PBX3: variants seen among roughly 807,000 people sequenced by gnomAD.
The protein encoded by PBX3 is pre-B-cell leukemia transcription factor 3.
PBX3 carries 14 observed loss-of-function variants against 48.5 expected under a neutral mutation model. The ratio of observed to expected loss-of-function variants is 0.29; its 90% CI spans 0.19 to 0.45. The LOEUF (loss-of-function observed/expected upper bound fraction) is 0.45. Ranked by LOEUF, PBX3 falls within the 20% of genes least tolerant of loss-of-function variation. The pLI, the probability that PBX3 is intolerant of heterozygous loss-of-function variation, is 1.00. For synonymous variants in PBX3, 210 were observed against 200.3 expected (o/e 1.05, Z -0.41); for missense variants, 386 against 546.7 (o/e 0.71, Z 2.93).
intron 2 of PBX3, among the ~76,000 whole-genome samples, chr9:125,853,766 A>T (rs574982691): frequency 8.5e-5 from 13 of 152,332 alleles, no homozygotes; most frequent in Admixed American, 8.5e-4. Context: ...TTCAGAAATA[A>T]TTTTTGATGG....
chr9:125,963,328 A>T (rs569464530), intron 8 of PBX3, among the ~76,000 whole-genome samples: 2 of 152,268 alleles, frequency 1.3e-5, no homozygotes, highest in African/African-American at 4.8e-5. Context: ...ATCAGCAGGG[A>T]CTTAAGCATC....
At chr9:125,820,791 G>T (rs1471065597) in intron 2 of PBX3, among the ~76,000 whole-genome samples, 1 of 152,008 alleles carries the variant, frequency 6.6e-6, no homozygotes, top group Non-Finnish European at 1.5e-5. Context: ...TATTTTTTTG[G>T]TCACATTTTG....
chr9:125,899,454 T>TATATATAGAG (rs1377456112), intron 2 of PBX3, among the ~76,000 whole-genome samples: 5 of 103,768 alleles, frequency 4.8e-5, no homozygotes, highest in African/African-American at 1.5e-4. Flanking sequence ...TATATATATA[T>TATATATAGAG]AGAGAGAGAG....
intron 4 of PBX3, 68 bp downstream of exon 4, chr9:125,929,913 T>C: frequency 8.3e-7 from 1 of 1,205,032 alleles, no homozygotes; most frequent in South Asian, 1.4e-5. Flanking sequence ...TTATTTTCTG[T>C]AAAACTGACC....
intron 2 of PBX3, among the ~76,000 whole-genome samples, chr9:125,757,787 A>C (rs529975554): frequency 6.6e-6 from 1 of 152,200 alleles, no homozygotes; most frequent in Non-Finnish European, 1.5e-5. Flanking sequence ...CTTTATGCAG[A>C]GGTTTTCTCA....
chr9:125,747,877 G>A (rs7847035), intron 1 of PBX3, among the ~76,000 whole-genome samples: 76,913 of 151,326 alleles, frequency 0.51, 21,283 homozygotes, highest in South Asian at 0.63. Context: ...GACTCGGTGC[G>A]GCGCGGATTC....
At chr9:125,861,137 C>CA (rs1839853989) in intron 2 of PBX3, among the ~76,000 whole-genome samples, 1 of 150,992 alleles carries the variant, frequency 6.6e-6, no homozygotes, top group South Asian at 2.1e-4. Context: ...CTCCCTCCCA[C>CA]AAAAAAAATT....
intron 2 of PBX3, among the ~76,000 whole-genome samples, chr9:125,850,849 T>C (rs1839557850): frequency 2.0e-5 from 3 of 152,068 alleles, no homozygotes; most frequent in Admixed American, 6.6e-5. Flanking sequence ...AATATGAAAT[T>C]GATTTGGTTG....
At chr9:125,816,061 G>A (rs1381250278) in intron 2 of PBX3, among the ~76,000 whole-genome samples, 2 of 152,050 alleles carry the variant, frequency 1.3e-5, no homozygotes, top group African/African-American at 2.4e-5. Flanking sequence ...CTGCGGTTTA[G>A]GGGTGCGATC....
chr9:125,940,902 A>G, intron 5 of PBX3, among the ~76,000 whole-genome samples: 1 of 152,204 alleles, frequency 6.6e-6, no homozygotes, highest in East Asian at 1.9e-4. Context: ...TGTTCACTTT[A>G]TGAAAATTCA....
intron 2 of PBX3, among the ~76,000 whole-genome samples, chr9:125,758,157 T>G (rs1202813525): frequency 6.6e-6 from 1 of 152,224 alleles, no homozygotes; most frequent in Non-Finnish European, 1.5e-5. Flanking sequence ...TCTATAAACA[T>G]AAATTCTGTT....
intron 2 of PBX3, among the ~76,000 whole-genome samples, chr9:125,830,029 G>A (rs868440799): frequency 2.2e-4 from 33 of 152,278 alleles, no homozygotes; most frequent in Middle Eastern, 3.4e-3. Flanking sequence ...AGTGTCTCGC[G>A]TCACTGTCTG....
At chr9:125,888,561 T>G (rs963139480) in intron 2 of PBX3, among the ~76,000 whole-genome samples, 8 of 149,138 alleles carry the variant, frequency 5.4e-5, no homozygotes, top group Admixed American at 4.0e-4. Flanking sequence ...GATATTTCTT[T>G]TTTTTTTTTT....
At chr9:125,830,926 G>A (rs566172196) in intron 2 of PBX3, among the ~76,000 whole-genome samples, 12 of 152,088 alleles carry the variant, frequency 7.9e-5, no homozygotes, top group African/African-American at 2.7e-4. Context: ...AAAGTAGAGG[G>A]TACAATGAAC....
chr9:125,943,584 G>A (rs1010092600), intron 5 of PBX3, among the ~76,000 whole-genome samples: 1 of 151,922 alleles, frequency 6.6e-6, no homozygotes, highest in African/African-American at 2.4e-5. Flanking sequence ...TCAGCACTGT[G>A]TCTAACCTTT....
intron 3 of PBX3, among the ~76,000 whole-genome samples, chr9:125,924,196 C>T (rs1320611085): frequency 6.6e-6 from 1 of 152,100 alleles, no homozygotes; most frequent in East Asian, 1.9e-4. Flanking sequence ...TAACAACAAG[C>T]TATTATATGT....
chr9:125,918,038 A>G (rs945160680), intron 3 of PBX3, among the ~76,000 whole-genome samples: 1 of 152,182 alleles, frequency 6.6e-6, no homozygotes, highest in African/African-American at 2.4e-5. Flanking sequence ...TTGTAGTATA[A>G]TCCTAATTGT....
chr9:125,784,726 A>G (rs183558004), intron 2 of PBX3, among the ~76,000 whole-genome samples: 3 of 152,344 alleles, frequency 2.0e-5, no homozygotes. Context: ...AAAAAGAAGA[A>G]AGGAAAAAAG....
At chr9:125,890,625 G>A (rs1298250081) in intron 2 of PBX3, among the ~76,000 whole-genome samples, 3 of 152,216 alleles carry the variant, frequency 2.0e-5, no homozygotes, top group Non-Finnish European at 2.9e-5. Context: ...ATTGGGGATG[G>A]TGGGGAGGAT....
Sources: allele counts gnomAD v4.1 joint callset (sites outside exome capture counted in the v4.1 genomes callset), GRCh38; gene constraint gnomAD v4.1.1; transcripts MANE v1.5; gene names NCBI Gene and HGNC (gene_info 2026-07-23, HGNC 2026-07-21).